Variants in NUDT10 observed in about 807,000 individuals in gnomAD.
NUDT10 encodes the protein diphosphoinositol polyphosphate phosphohydrolase 3-alpha.
In NUDT10, 2 loss-of-function variants were observed where a neutral mutation model predicts 10.5. That is an observed-to-expected ratio of 0.19 (90% CI 0.08 to 0.60). The LOEUF (loss-of-function observed/expected upper bound fraction) is 0.60. Ranked by LOEUF, NUDT10 falls within the 20% of genes least tolerant of loss-of-function variation. The pLI, the probability that NUDT10 is intolerant of heterozygous loss-of-function variation, is 0.89. For synonymous variants in NUDT10, 53 were observed against 71.8 expected (o/e 0.74, Z 1.32); for missense variants, 75 against 149.5 (o/e 0.50, Z 2.60).
At chrX:51,333,491 G>A (rs781836271) in intron 1 of NUDT10, 32 bp downstream of exon 1, 14 of 1,198,942 alleles carry the variant, frequency 1.2e-5, no homozygotes, top group East Asian at 3.0e-5. Flanking sequence ...ACAGACTTCT[G>A]TTTGTCTGCC....
intron 1 of NUDT10, among the ~76,000 whole-genome samples, chrX:51,334,979 C>T (rs1000477164): frequency 9.1e-6 from 1 of 110,372 alleles, no homozygotes; most frequent in African/African-American, 3.3e-5. Flanking sequence ...TGGATTTCAT[C>T]TCCCATGACA....
Position 51,334,068 on chromosome X carries a change from AC to A in NUDT10, c.494+610del, listed in dbSNP as rs1200085453. On this transcript the variant is annotated intron_variant, in intron 1 of 1. Coordinates refer to ENST00000356450, the MANE Select transcript of NUDT10 (RefSeq NM_001304963.2). ...ATTCGTAAAAACATTAGGAAATCCT[AC>A]ATCTTGTGCTCTTTCTGCACTCGAC... Among the ~76,000 whole-genome samples, 164 of 111,935 alleles carry A rather than the reference AC, an allele frequency of 1.5e-3. 1 individual carries two copies. The highest frequency in any genetic ancestry group is 7.9e-4 in the Non-Finnish European group (42 of 53,225).
chrX:51,333,103 C>T lies in NUDT10; in HGVS notation c.138C>T (p.Ile46=), dbSNP rs1333759680. ...GCAGCCGGTACCCGGACCGCTGGATCGTGCCGGGCGGGGGCATGGAGCCCG... is the reference window on the plus strand; with the variant it reads ...GCAGCCGGTACCCGGACCGCTGGATTGTGCCGGGCGGGGGCATGGAGCCCG... The part of the protein sequence containing the change: ...VSSSRYPDRW[I]VPGGGMEPEE... The change falls in exon 1 of 2, where the codon ATC becomes ATT. Residue 46 remains isoleucine, a synonymous_variant. Transcript: ENST00000356450. 16 of 1,207,538 alleles carry T rather than the reference C, an allele frequency of 1.3e-5. No homozygotes were observed. The highest frequency in any genetic ancestry group is 2.2e-5 in the Admixed American group (1 of 45,660).
rs1336538063 is a variant in NUDT10 at position 51,337,239 on chromosome X, T to G, written c.*1000T>G. On this transcript the variant is annotated 3_prime_UTR_variant, in exon 2 of 2. Transcript: ENST00000356450. ...ACATTTATGAGACAATCGGGGTAAT[T>G]TGAACATTGGTGGGGTATTTGGTAT... 4 of 112,143 alleles carry G rather than the reference T, an allele frequency of 3.6e-5. No homozygotes were observed. The highest frequency in any genetic ancestry group is 1.3e-4 in the African/African-American group (4 of 30,865). The allele number at this position is 112,143 out of a possible 1,213,427, so 9.2% of individuals were successfully genotyped here.
At chrX:51,333,877 G>A (rs1922765512) in intron 1 of NUDT10, among the ~76,000 whole-genome samples, 1 of 109,151 alleles carries the variant, frequency 9.2e-6, no homozygotes, top group African/African-American at 3.3e-5. Flanking sequence ...TTTGATACCA[G>A]CCTTGTGGTT....
Position 51,332,907 on chromosome X carries a change from G to A in NUDT10, c.-59G>A, listed in dbSNP as rs1922713838. The A allele has an allele frequency of 1.5e-5, 17 of 1,143,138 alleles. No homozygotes were observed. The highest frequency in any genetic ancestry group is 2.0e-5 in the Non-Finnish European group (17 of 852,295). 94.2% of individuals were successfully genotyped at this position (1,143,138 alleles called of 1,213,427 possible). On this transcript the variant is annotated 5_prime_UTR_variant, in exon 1 of 2. Transcript: ENST00000356450. ...GCACCTCGGCTGCTGCCCGGCAGCG[G>A]CAGCAGCTGCGTCGGCGGCCCACAC...
upstream of NUDT10, chrX:51,332,816 G>C: frequency 8.7e-6 from 8 of 915,279 alleles, no homozygotes; most frequent in Non-Finnish European, 1.2e-5. Flanking sequence ...CCCCGGGCTC[G>C]GGGGCAGACG....
In NUDT10 at chrX:51,333,156, G is replaced by A; in HGVS notation, c.191G>A (p.Arg64Gln). 1 of 1,211,250 alleles carries A rather than the reference G, an allele frequency of 8.3e-7. No homozygotes were observed. Among genetic ancestry groups the A allele is most frequent in the Non-Finnish European group, 1.1e-6 (1 of 895,204 alleles). The change falls in exon 1 of 2, where the codon CGA (arginine) becomes CAA (glutamine). Residue 64 changes from arginine to glutamine, a missense_variant. By Grantham distance (43) the Arg-to-Gln change is conservative. Transcript: ENST00000356450. ...PEEEPGGAAV[R>Q]EVYEEAGVKG... is the part of the protein sequence containing the mutation. ...GAGGAGCCGGGCGGTGCGGCGGTCC[G>A]AGAGGTGTACGAAGAGGCGGGAGTC... is the stretch of plus-strand genomic sequence containing the variant.
chrX:51,335,460 G>GTTA (rs1922816444), intron 1 of NUDT10, among the ~76,000 whole-genome samples: 1 of 112,055 alleles, frequency 8.9e-6, no homozygotes, highest in African/African-American at 3.3e-5. Context: ...GCTCTGGATG[G>GTTA]TTAACATATT....
chrX:51,332,508 G>A (rs1922684802), upstream of NUDT10: 1 of 128,026 alleles, frequency 7.8e-6, no homozygotes, highest in African/African-American at 3.2e-5. Flanking sequence ...GCGCGCTGCG[G>A]GAGCCAGGAG....
chrX:51,333,109 G>C lies in NUDT10; in HGVS notation c.144G>C (p.Pro48=), dbSNP rs781819923. The change falls in exon 1 of 2, where the codon CCG becomes CCC. Residue 48 remains proline (P), a synonymous_variant. Coordinates refer to ENST00000356450, the MANE Select transcript of NUDT10 (RefSeq NM_001304963.2). ...SSRYPDRWIV[P]GGGMEPEEEP... ...GGTACCCGGACCGCTGGATCGTGCC[G>C]GGCGGGGGCATGGAGCCCGAGGAGG... The C allele has an allele frequency of 7.4e-6, 9 of 1,210,093 alleles. No individual in the cohort carries two copies. Among genetic ancestry groups the C allele is most frequent in the Non-Finnish European group, 7.8e-6 (7 of 894,645 alleles).
intron 1 of NUDT10, among the ~76,000 whole-genome samples, chrX:51,335,355 C>G (rs1922813214): frequency 9.1e-6 from 1 of 109,403 alleles, no homozygotes; most frequent in South Asian, 4.0e-4. Flanking sequence ...GTCCCTGTCC[C>G]CCAATGGACA....
In NUDT10 at chrX:51,336,259, T is replaced by C. The variant is rs782396692; in HGVS notation, c.*20T>C. On this transcript the variant is annotated 3_prime_UTR_variant, in exon 2 of 2. Coordinates refer to ENST00000356450, the MANE Select transcript of NUDT10 (RefSeq NM_001304963.2). ...TTTAGGTGAATGGCATAGATGTTGT[T>C]CAGATTTACTTTGAAAGAATCAAGT... 2 of 562,704 alleles carry C rather than the reference T, an allele frequency of 3.6e-6. No individual in the cohort carries two copies. Among genetic ancestry groups the C allele is most frequent in the Non-Finnish European group, 6.5e-6 (2 of 306,061 alleles). 46.4% of individuals were successfully genotyped at this position (562,704 alleles called of 1,213,427 possible).
intron 1 of NUDT10, 127 bp downstream of exon 1, chrX:51,333,586 G>A (rs1324252961): frequency 2.1e-6 from 2 of 965,254 alleles, no homozygotes; most frequent in East Asian, 6.7e-5. Context: ...TTCCTTGGCA[G>A]ACCCTCTGAA....
rs888002028 is a variant in NUDT10 at position 51,337,261 on chromosome X, G to A, written c.*1022G>A. The A allele has an allele frequency of 8.9e-6, 1 of 111,944 alleles. No individual in the cohort carries two copies. Among genetic ancestry groups the A allele is most frequent in the South Asian group, 3.7e-4 (1 of 2,696 alleles). 9.2% of individuals were successfully genotyped at this position (111,944 alleles called of 1,213,427 possible). On this transcript the variant is annotated 3_prime_UTR_variant, in exon 2 of 2. Transcript: ENST00000356450. ...AATTTGAACATTGGTGGGGTATTTG[G>A]TATTAGAATAATGGTTTTATCATTA...
chrX:51,337,066 A>T lies in NUDT10; in HGVS notation c.*827A>T, dbSNP rs1922861107. On this transcript the variant is annotated 3_prime_UTR_variant, in exon 2 of 2. Coordinates refer to ENST00000356450, the MANE Select transcript of NUDT10 (RefSeq NM_001304963.2). Reference sequence around the variant, plus strand: ...AATCCAGACTATAAGAAACTACAGGACACATGACCTAGTTTCTTCTGTAAA... The same window carrying T: ...AATCCAGACTATAAGAAACTACAGGTCACATGACCTAGTTTCTTCTGTAAA... The T allele has an allele frequency of 8.9e-6, 1 of 112,400 alleles. No individual in the cohort carries two copies. Among genetic ancestry groups the T allele is most frequent in the African/African-American group, 3.2e-5 (1 of 30,951 alleles). The allele number at this position is 112,400 out of a possible 1,213,427, so 9.3% of individuals were successfully genotyped here. A position where few individuals can be genotyped will look rare whatever the true frequency, so the allele number is the denominator to read the frequency against.
intron 1 of NUDT10, among the ~76,000 whole-genome samples, chrX:51,335,502 C>T (rs782546601): frequency 9.0e-5 from 10 of 111,464 alleles, no homozygotes; most frequent in Non-Finnish European, 1.9e-4. Flanking sequence ...TTGATCAGGT[C>T]ACCTTTGAAA....
chrX:51,336,464 T>G lies in NUDT10; in HGVS notation c.*225T>G, dbSNP rs1214279629. ...TCTAACTTGGCACCTGTGGCCTTTT[T>G]TGTGCTCTTATGTGTCTGTATTTCC... is the stretch of plus-strand genomic sequence containing the variant. On this transcript the variant is annotated 3_prime_UTR_variant, in exon 2 of 2. Coordinates refer to ENST00000356450, the MANE Select transcript of NUDT10 (RefSeq NM_001304963.2). 6 of 316,945 alleles carry G rather than the reference T, an allele frequency of 1.9e-5. No homozygotes were observed. Among genetic ancestry groups the G allele is most frequent in the Non-Finnish European group, 3.3e-5 (6 of 179,881 alleles). The allele number at this position is 316,945 out of a possible 1,213,427, so 26.1% of individuals were successfully genotyped here.
chrX:51,332,802 C>G (rs782677400), upstream of NUDT10: 4 of 834,735 alleles, frequency 4.8e-6, no homozygotes, highest in South Asian at 3.0e-5. Context: ...TCTCTCCCTC[C>G]GCTCCCCGGG....
Sources: gnomAD v4.1 joint callset for allele counts (sites outside exome capture counted in the v4.1 genomes callset) on GRCh38, gnomAD v4.1.1 for gene constraint, MANE v1.5 for transcripts, NCBI Gene and HGNC (gene_info 2026-07-23, HGNC 2026-07-21) for gene names.